The following AFAP1L2 variants were observed in gnomAD, a reference collection of about 807,000 sequenced individuals.
AFAP1L2 encodes the protein actin filament associated protein 1 like 2.
In AFAP1L2, 46 loss-of-function variants were observed where a neutral mutation model predicts 99.3. That is an observed-to-expected ratio of 0.46 (90% CI 0.37 to 0.59). The LOEUF is 0.59. AFAP1L2 is among the 20% of genes least tolerant of loss of function. The pLI is 0.00. For missense variants in AFAP1L2, 959 were observed against 1,034.9 expected (o/e 0.93, Z 1.01); for synonymous variants, 397 against 419.1 (o/e 0.95, Z 0.64).
chr10:114,290,895 T>G (rs142360642), downstream of AFAP1L2, among the ~76,000 whole-genome samples: 130 of 152,244 alleles, frequency 8.5e-4, 4 homozygotes, highest in East Asian at 0.024. Context: ...GGGTAACAGA[T>G]TAGGACCTAG....
chr10:114,374,002 A>C (rs1436764130), intron 1 of AFAP1L2, among the ~76,000 whole-genome samples: 1 of 152,118 alleles, frequency 6.6e-6, no homozygotes, highest in East Asian at 1.9e-4. Flanking sequence ...AGGATACAAA[A>C]AATAGAGCCC....
intron 13 of AFAP1L2, 135 bp from the exon 14 acceptor site, chr10:114,300,825 G>GAGAT: frequency 8.1e-7 from 1 of 1,238,316 alleles, no homozygotes; most frequent in Non-Finnish European, 1.1e-6. Context: ...TGCTGGGGGG[G>GAGAT]CCACTGGCTG....
Position 114,398,726 on chromosome 10 carries a change from G to A in AFAP1L2, c.16+5714C>T, listed in dbSNP as rs1197732562. 35 of 871,488 alleles carry A rather than the reference G, an allele frequency of 4.0e-5. No homozygotes were observed. The South Asian group carries it at 4.4e-4, about 11-fold the overall frequency. 54.0% of individuals were successfully genotyped at this position (871,488 alleles called of 1,614,324 possible). On this transcript the variant is annotated intron_variant, in intron 1 of 18. Coordinates refer to ENST00000304129, the MANE Select transcript of AFAP1L2 (RefSeq NM_001001936.3). ...TCCCGAGCCCCTGAGTGCCCAGGCC[G>A]GTGCCCAGCTCCTTGATCTCCCTCA...
the AFAP1L2 span, chr10:114,281,245 C>G: frequency 1.3e-5 from 2 of 152,276 alleles, no homozygotes; most frequent in African/African-American, 4.8e-5. Context: ...CAGGTGAGGC[C>G]ATCCCAGGAG....
the AFAP1L2 span, chr10:114,286,055 G>A: frequency 6.2e-7 from 1 of 1,614,194 alleles, no homozygotes; most frequent in Non-Finnish European, 8.5e-7. Flanking sequence ...GTTTGTGCGG[G>A]CCGTGCTGAG....
chr10:114,288,157 G>A, the AFAP1L2 span, among the ~76,000 whole-genome samples: 1 of 152,172 alleles, frequency 6.6e-6, no homozygotes, highest in Non-Finnish European at 1.5e-5. Context: ...CCCCTGCACA[G>A]GAGAGGCCTT....
intron 2 of AFAP1L2, among the ~76,000 whole-genome samples, chr10:114,339,925 C>T (rs988214789): frequency 2.0e-5 from 3 of 150,548 alleles, no homozygotes; most frequent in Non-Finnish European, 4.4e-5. Context: ...GCAGGAGAAT[C>T]GCTTGAACCT....
chr10:114,373,912 C>T (rs1042765094), intron 1 of AFAP1L2, among the ~76,000 whole-genome samples: 5 of 152,158 alleles, frequency 3.3e-5, no homozygotes, highest in African/African-American at 1.2e-4. Context: ...ACAATCAGCA[C>T]AGCCTAGGTC....
At chr10:114,384,257 T>C (rs1270818461) in intron 1 of AFAP1L2, among the ~76,000 whole-genome samples, 1 of 152,178 alleles carries the variant, frequency 6.6e-6, no homozygotes, top group African/African-American at 2.4e-5. Flanking sequence ...TCCGCCTCTG[T>C]CTTCAGCTGC....
chr10:114,304,018 G>A (rs574168850), intron 11 of AFAP1L2, among the ~76,000 whole-genome samples: 22 of 152,350 alleles, frequency 1.4e-4, no homozygotes, highest in African/African-American at 4.3e-4. Context: ...CCATATTCCT[G>A]TGCTGAGAAG....
At chr10:114,359,329 A>T (rs1201390001) in intron 1 of AFAP1L2, among the ~76,000 whole-genome samples, 1 of 152,212 alleles carries the variant, frequency 6.6e-6, no homozygotes, top group Non-Finnish European at 1.5e-5. Flanking sequence ...AGGCTATATG[A>T]CTTCTGATAA....
chr10:114,347,093 C>T (rs1042075577), intron 1 of AFAP1L2, among the ~76,000 whole-genome samples: 6 of 152,186 alleles, frequency 3.9e-5, no homozygotes, highest in Non-Finnish European at 7.3e-5. Context: ...AGCAGACCTG[C>T]GCTTTATATA....
At chr10:114,332,846 T>TTC (rs1372993560) in intron 3 of AFAP1L2, among the ~76,000 whole-genome samples, 4 of 152,196 alleles carry the variant, frequency 2.6e-5, no homozygotes, top group Non-Finnish European at 5.9e-5. Context: ...CACCATTTAC[T>TTC]TCTCTCTCCT....
chr10:114,306,213 G>A (rs1190548405), intron 10 of AFAP1L2, among the ~76,000 whole-genome samples: 1 of 136,852 alleles, frequency 7.3e-6, no homozygotes, highest in Non-Finnish European at 1.6e-5. Flanking sequence ...GGCTACAGGA[G>A]GAGATGCAGA....
chr10:114,315,014 G>A (rs2043887212), intron 6 of AFAP1L2, among the ~76,000 whole-genome samples: 2 of 152,074 alleles, frequency 1.3e-5, no homozygotes, highest in Non-Finnish European at 2.9e-5. Flanking sequence ...GGTGGCGGGC[G>A]CCTGTAATCC....
intron 1 of AFAP1L2, among the ~76,000 whole-genome samples, chr10:114,400,817 G>A (rs1000713828): frequency 1.2e-4 from 18 of 152,148 alleles, no homozygotes; most frequent in Non-Finnish European, 2.1e-4. Flanking sequence ...AATGTCTTGG[G>A]TGGGGCCTTT....
intron 4 of AFAP1L2, among the ~76,000 whole-genome samples, chr10:114,328,461 G>T (rs140906224): frequency 2.9e-3 from 440 of 152,318 alleles, no homozygotes; most frequent in Non-Finnish European, 2.0e-3. Flanking sequence ...AAGGGAGGAA[G>T]GGCGGGTTTT....
At chr10:114,328,348 C>CGTGCTGCTGCAG (rs1367003864) in intron 4 of AFAP1L2, among the ~76,000 whole-genome samples, 112 of 152,348 alleles carry the variant, frequency 7.4e-4, no homozygotes, top group Non-Finnish European at 1.3e-3. Context: ...TGGATGTCCA[C>CGTGCTGCTGCAG]GTGCTGCTGC....
chr10:114,369,983 G>C (rs1372991513), intron 1 of AFAP1L2, among the ~76,000 whole-genome samples: 2 of 152,068 alleles, frequency 1.3e-5, no homozygotes, highest in Non-Finnish European at 1.5e-5. Context: ...CTGGAGTTGA[G>C]ATACCCAGTT....
Sources: allele counts gnomAD v4.1 joint callset (sites outside exome capture counted in the v4.1 genomes callset), GRCh38; gene constraint gnomAD v4.1.1; transcripts MANE v1.5; gene names NCBI Gene and HGNC (gene_info 2026-07-23, HGNC 2026-07-21).